The following GTF2IRD1 variants were observed in gnomAD, a reference collection of about 807,000 sequenced individuals.
GTF2IRD1 encodes the protein GTF2I repeat domain containing 1.
In GTF2IRD1, 26 loss-of-function variants were observed where a neutral mutation model predicts 113.2. That is an observed-to-expected ratio of 0.23 (90% CI 0.17 to 0.32). The LOEUF is 0.32. GTF2IRD1 is among the 10% of genes least tolerant of loss of function. The probability of loss-of-function intolerance (pLI) is 1.00; values close to 1 mark genes in which losing one functional copy is unlikely to be tolerated. For missense variants in GTF2IRD1, 864 were observed against 1,280.8 expected (o/e 0.67, Z 4.97); for synonymous variants, 484 against 529.1 (o/e 0.91, Z 1.17).
chr7:74,477,975 G>T (rs1282343873), intron 1 of GTF2IRD1, among the ~76,000 whole-genome samples: 2 of 152,194 alleles, frequency 1.3e-5, no homozygotes, highest in African/African-American at 4.8e-5. Context: ...GGCCCCAGGG[G>T]TTGGCACCGC....
chr7:74,493,655 G>T (rs141251932), intron 1 of GTF2IRD1, among the ~76,000 whole-genome samples: 2 of 152,016 alleles, frequency 1.3e-5, no homozygotes, highest in East Asian at 1.9e-4. Context: ...GATAGATGCC[G>T]GCCAGGTAAA....
At chr7:74,528,124 A>C (rs762468006) in intron 8 of GTF2IRD1, among the ~76,000 whole-genome samples, 39 of 152,358 alleles carry the variant, frequency 2.6e-4, no homozygotes, top group Admixed American at 8.5e-4. Flanking sequence ...AAGCTTGGGC[A>C]CTTCCTTTAG....
At chr7:74,505,642 A>T (rs892213182) in intron 1 of GTF2IRD1, among the ~76,000 whole-genome samples, 3 of 152,150 alleles carry the variant, frequency 2.0e-5, no homozygotes, top group Non-Finnish European at 2.9e-5. Flanking sequence ...CCCTGATTCG[A>T]TTTGGGCCTC....
chr7:74,582,692 C>T (rs1554366498), intron 22 of GTF2IRD1, among the ~76,000 whole-genome samples: 1 of 152,128 alleles, frequency 6.6e-6, no homozygotes, highest in Non-Finnish European at 1.5e-5. Flanking sequence ...TCAAGATTGC[C>T]TTCCAGTCTG....
chr7:74,456,003 G>A (rs934250011), intron 1 of GTF2IRD1, among the ~76,000 whole-genome samples: 21 of 152,196 alleles, frequency 1.4e-4, no homozygotes, highest in African/African-American at 5.1e-4. Context: ...CTGTTCTCTC[G>A]ATGTTGGGAG....
chr7:74,522,074 T>A (rs1554346132), intron 7 of GTF2IRD1, among the ~76,000 whole-genome samples: 1 of 152,096 alleles, frequency 6.6e-6, no homozygotes, highest in Non-Finnish European at 1.5e-5. Flanking sequence ...GCCACTGGTT[T>A]CCTCCAGAGT....
At chr7:74,523,714 C>A (rs1648808957) in intron 7 of GTF2IRD1, among the ~76,000 whole-genome samples, 1 of 150,130 alleles carries the variant, frequency 6.7e-6, no homozygotes, top group Non-Finnish European at 1.5e-5. Context: ...GAGTGAGTCA[C>A]CATCTAAAGG....
At chr7:74,538,621 C>T in intron 12 of GTF2IRD1, 59 bp from the exon 13 acceptor site, 1 of 958,374 alleles carries the variant, frequency 1.0e-6, no homozygotes, top group East Asian at 2.4e-5. Context: ...TGGAAAGAGT[C>T]ACTCTGCCCA....
chr7:74,463,642 G>A (rs12532136), intron 1 of GTF2IRD1, among the ~76,000 whole-genome samples: 40,460 of 152,076 alleles, frequency 0.27, 6,241 homozygotes, highest in Middle Eastern at 0.42. Context: ...GGGCCCCAGG[G>A]GCCACCAAGG....
chr7:74,490,542 AC>A (rs66883639), intron 1 of GTF2IRD1, among the ~76,000 whole-genome samples: 51,723 of 129,604 alleles, frequency 0.4, 9,411 homozygotes, highest in South Asian at 0.46. Flanking sequence ...GAGAAAGGAT[AC>A]CCCCCCCCCC....
At chr7:74,460,843 C>T (rs1392507388) in intron 1 of GTF2IRD1, among the ~76,000 whole-genome samples, 4 of 152,148 alleles carry the variant, frequency 2.6e-5, no homozygotes, top group Non-Finnish European at 5.9e-5. Context: ...TGGGAGACCC[C>T]GCCACGGGGG....
intron 1 of GTF2IRD1, among the ~76,000 whole-genome samples, chr7:74,483,382 A>C (rs1371945544): frequency 1.3e-5 from 2 of 149,660 alleles, no homozygotes; most frequent in African/African-American, 5.1e-5. Context: ...TAAAAAAAAA[A>C]AAATTTTTTT....
chr7:74,585,932 A>G (rs1554367616), intron 22 of GTF2IRD1, among the ~76,000 whole-genome samples: 1 of 152,088 alleles, frequency 6.6e-6, no homozygotes, highest in African/African-American at 2.4e-5. Context: ...CTGAGACCTC[A>G]GGAAACCCAG....
At chr7:74,521,133 C>CT in intron 6 of GTF2IRD1, 75 bp from the exon 7 acceptor site, 3 of 815,192 alleles carry the variant, frequency 3.7e-6, no homozygotes, top group Non-Finnish European at 6.4e-6. Flanking sequence ...GAGCCAGGGC[C>CT]TGTGCACTGG....
Position 74,557,188 on chromosome 7 carries a change from T to C in GTF2IRD1, c.2024-451T>C, listed in dbSNP as rs1355415831. ...CTGAGCCTGGGAGGTGGAGGTTCCA[T>C]TGGGAGCCGCCAGGCCCATCCCCTG... is the stretch of plus-strand genomic sequence containing the variant. On this transcript the variant is annotated intron_variant, in intron 19 of 26. Coordinates refer to ENST00000424337, the MANE Select transcript of GTF2IRD1 (RefSeq NM_005685.4). Among the ~76,000 whole-genome samples the C allele has an allele frequency of 3.3e-4, 50 of 152,242 alleles. 1 individual carries two copies. The highest frequency in any genetic ancestry group is 4.3e-4 in the Non-Finnish European group (29 of 68,006).
chr7:74,555,235 G>A lies in GTF2IRD1; in HGVS notation c.1966+12G>A, dbSNP rs782045719. The A allele has an allele frequency of 3.3e-5, 53 of 1,612,172 alleles. No individual in the cohort carries two copies. Among genetic ancestry groups the A allele is most frequent in the East Asian group, 4.5e-5 (2 of 44,846 alleles). ...CATGGATAGTCAAGGTACCCAGCGC[G>A]GGGTCGGGAGCCATGGTGTGGGCGG... On this transcript the variant is annotated intron_variant, in intron 18 of 26. Coordinates refer to ENST00000424337, the MANE Select transcript of GTF2IRD1 (RefSeq NM_005685.4). This position sits in a 1 kb window ranked among gnomAD's most constrained non-coding sequence, Gnocchi z 5.3.
intron 7 of GTF2IRD1, among the ~76,000 whole-genome samples, chr7:74,523,400 A>T (rs926366979): frequency 3.9e-5 from 6 of 152,090 alleles, no homozygotes; most frequent in East Asian, 3.9e-4. Context: ...CTATTTTTTT[A>T]AAAAAATTTA....
At chr7:74,497,546 G>C (rs1048528199) in intron 1 of GTF2IRD1, among the ~76,000 whole-genome samples, 27 of 147,162 alleles carry the variant, frequency 1.8e-4, no homozygotes, top group African/African-American at 5.5e-4. Context: ...TGAGCTACTG[G>C]ACCTGGCTGG....
intron 22 of GTF2IRD1, among the ~76,000 whole-genome samples, chr7:74,567,999 C>G (rs1398716105): frequency 1.3e-5 from 2 of 151,798 alleles, no homozygotes; most frequent in Admixed American, 1.3e-4. Flanking sequence ...GTTGGCCAAG[C>G]CGGTGTCAAA....
Sources: gnomAD v4.1 joint callset for allele counts (sites outside exome capture counted in the v4.1 genomes callset) on GRCh38, gnomAD v4.1.1 for gene constraint, Gnocchi (gnomAD v3.1) non-coding constraint, MANE v1.5 for transcripts, NCBI Gene and HGNC (gene_info 2026-07-23, HGNC 2026-07-21) for gene names.